The following CDH13 variants were observed in gnomAD, a reference collection of about 807,000 sequenced individuals.
CDH13 encodes the protein cadherin-13.
In CDH13, 24 loss-of-function variants were observed where a neutral mutation model predicts 63.8. The ratio of observed to expected loss-of-function variants is 0.38; its 90% CI spans 0.27 to 0.53. The LOEUF is 0.53. Among genes scored for constraint, CDH13 ranks in the 20% least tolerant of loss-of-function variants. CDH13 has a pLI of 0.85. For missense variants in CDH13, 1,049 were observed against 903.1 expected, an observed-to-expected ratio of 1.16 and a Z score of -2.07; for synonymous variants, 503 against 355.3, an observed-to-expected ratio of 1.42 and a Z score of -4.67.
chr16:83,674,122 C>T (rs905127583), intron 9 of CDH13, among the ~76,000 whole-genome samples: 2 of 152,176 alleles, frequency 1.3e-5, no homozygotes, highest in Non-Finnish European at 2.9e-5. Context: ...GCCACTGGTG[C>T]AACCATCAGG....
intron 5 of CDH13, among the ~76,000 whole-genome samples, chr16:83,232,912 C>G (rs2040045023): frequency 6.6e-6 from 1 of 152,152 alleles, no homozygotes; most frequent in African/African-American, 2.4e-5. Context: ...TAAGTTTCCC[C>G]TTTTCTGGGT....
intron 3 of CDH13, among the ~76,000 whole-genome samples, chr16:83,086,034 T>C (rs1202308408): frequency 1.3e-5 from 2 of 152,208 alleles, no homozygotes; most frequent in African/African-American, 4.8e-5. Context: ...GCAGGTGTAC[T>C]GGCTGCTCCA....
chr16:83,574,087 G>A (rs779585146), intron 7 of CDH13, among the ~76,000 whole-genome samples: 5 of 152,136 alleles, frequency 3.3e-5, no homozygotes, highest in African/African-American at 9.7e-5. Context: ...GCTGCGAAAT[G>A]GGCAGCTGCT....
chr16:83,303,997 A>G (rs958326954), intron 5 of CDH13, among the ~76,000 whole-genome samples: 5 of 152,212 alleles, frequency 3.3e-5, no homozygotes, highest in South Asian at 2.1e-4. Context: ...TCTAGTCTCT[A>G]TGTGTTAGAG....
At chr16:83,281,765 T>C (rs1270045204) in intron 5 of CDH13, among the ~76,000 whole-genome samples, 1 of 146,268 alleles carries the variant, frequency 6.8e-6, no homozygotes, top group African/African-American at 2.5e-5. Context: ...AAAAAAAACG[T>C]AGCCAAGCGT....
At chr16:82,950,613 C>T (rs1056285775) in intron 2 of CDH13, among the ~76,000 whole-genome samples, 4 of 152,120 alleles carry the variant, frequency 2.6e-5, no homozygotes, top group African/African-American at 4.8e-5. Flanking sequence ...GAGGCCTCTC[C>T]AGCCACGTGT....
At chr16:83,076,003 T>C (rs1463200766) in intron 3 of CDH13, among the ~76,000 whole-genome samples, 1 of 152,098 alleles carries the variant, frequency 6.6e-6, no homozygotes, top group East Asian at 1.9e-4. Context: ...AATCTAAATG[T>C]GTTAAGGGAA....
intron 5 of CDH13, among the ~76,000 whole-genome samples, chr16:83,256,702 G>T (rs1296094558): frequency 2.0e-5 from 3 of 147,504 alleles, no homozygotes; most frequent in South Asian, 2.2e-4. Context: ...AAAATTAGCC[G>T]GGCATGGTGG....
At chr16:82,863,288 T>G (rs948170709) in intron 2 of CDH13, among the ~76,000 whole-genome samples, 2 of 152,168 alleles carry the variant, frequency 1.3e-5, no homozygotes, top group African/African-American at 4.8e-5. Context: ...CTTTCCTTAG[T>G]AGAGAAATAT....
intron 7 of CDH13, among the ~76,000 whole-genome samples, chr16:83,504,863 A>G (rs1022554748): frequency 8.5e-5 from 13 of 152,224 alleles, no homozygotes; most frequent in Non-Finnish European, 1.3e-4. Context: ...CGAGCAAGTA[A>G]TTAGTGTCCT....
At chr16:82,648,774 C>T (rs1343171840) in intron 1 of CDH13, among the ~76,000 whole-genome samples, 1 of 151,696 alleles carries the variant, frequency 6.6e-6, no homozygotes, top group East Asian at 2.0e-4. Context: ...GAAGAAAAAA[C>T]CTTCTAAAAA....
At chr16:82,943,285 T>G (rs1416306335) in intron 2 of CDH13, among the ~76,000 whole-genome samples, 1 of 152,204 alleles carries the variant, frequency 6.6e-6, no homozygotes, top group African/African-American at 2.4e-5. Context: ...TATATATTCC[T>G]TTAGCATCAT....
At chr16:83,674,672 C>T (rs1253668396) in intron 9 of CDH13, among the ~76,000 whole-genome samples, 1 of 152,194 alleles carries the variant, frequency 6.6e-6, no homozygotes, top group East Asian at 1.9e-4. Context: ...TTTGGAGTCT[C>T]AGGATGCTGC....
At chr16:83,203,773 G>C (rs1383125771) in intron 4 of CDH13, among the ~76,000 whole-genome samples, 1 of 152,002 alleles carries the variant, frequency 6.6e-6, no homozygotes, top group Non-Finnish European at 1.5e-5. Context: ...CTGAAATGAT[G>C]GAAAGAAGAA....
intron 1 of CDH13, among the ~76,000 whole-genome samples, chr16:82,693,999 A>C (rs1417621752): frequency 1.3e-5 from 2 of 152,242 alleles, no homozygotes; most frequent in Non-Finnish European, 2.9e-5. Context: ...TGGGCAAGTA[A>C]TTGAAACAAA....
At chr16:83,666,067 T>TA (rs1409668752) in intron 8 of CDH13, among the ~76,000 whole-genome samples, 1 of 152,228 alleles carries the variant, frequency 6.6e-6, no homozygotes, top group Admixed American at 6.5e-5. Flanking sequence ...TTGTATTTGA[T>TA]TTGCCACACA....
At chr16:83,544,492 C>A (rs1160214710) in intron 7 of CDH13, among the ~76,000 whole-genome samples, 1 of 152,094 alleles carries the variant, frequency 6.6e-6, no homozygotes, top group Admixed American at 6.5e-5. Flanking sequence ...CTTAAACACA[C>A]TGAGAACACT....
At chr16:82,760,046 T>A (rs2034773277) in intron 1 of CDH13, among the ~76,000 whole-genome samples, 1 of 152,238 alleles carries the variant, frequency 6.6e-6, no homozygotes, top group Admixed American at 6.5e-5. Flanking sequence ...GTTGCAAAGA[T>A]CTGGAGCATT....
At chr16:82,641,437 CAG>C (rs1463688607) in intron 1 of CDH13, among the ~76,000 whole-genome samples, 1 of 152,184 alleles carries the variant, frequency 6.6e-6, no homozygotes, top group African/African-American at 2.4e-5. Flanking sequence ...CTAATGGTAA[CAG>C]AAAGAATTAT....
Sources: gnomAD v4.1 joint callset for allele counts (sites outside exome capture counted in the v4.1 genomes callset) on GRCh38, gnomAD v4.1.1 for gene constraint, MANE v1.5 for transcripts, NCBI Gene and HGNC (gene_info 2026-07-23, HGNC 2026-07-21) for gene names.